NMBR: variants seen among roughly 807,000 people sequenced by gnomAD.
NMBR encodes neuromedin B receptor, also known as neuromedin-B receptor.
In NMBR, 16 loss-of-function variants were observed where a neutral mutation model predicts 20.5. The ratio of observed to expected loss-of-function variants is 0.78; its 90% confidence interval spans 0.53 to 1.19. The LOEUF is 1.19. Ranked by LOEUF, NMBR falls within the 50% of genes most tolerant of loss-of-function variation. The pLI is 0.00. For synonymous variants in NMBR, 212 were observed against 196.6 expected (o/e 1.08, Z -0.65); for missense variants, 582 against 499.1 (o/e 1.17, Z -1.58).
intron 1 of NMBR, among the ~76,000 whole-genome samples, chr6:142,119,672 T>C (rs762621183): frequency 6.6e-6 from 1 of 151,978 alleles, no homozygotes; most frequent in Non-Finnish European, 1.5e-5. Context: ...GGGAACCCTA[T>C]GAGGTGTTAT....
intron 1 of NMBR, among the ~76,000 whole-genome samples, chr6:142,127,803 T>C (rs571445904): frequency 2.0e-5 from 3 of 152,054 alleles, no homozygotes; most frequent in Admixed American, 6.6e-5. Context: ...TTTGTTTGTG[T>C]ACAGATATGT....
chr6:142,091,978 A>G (rs1330266634), intron 1 of NMBR, among the ~76,000 whole-genome samples: 1 of 152,170 alleles, frequency 6.6e-6, no homozygotes, highest in Non-Finnish European at 1.5e-5. Context: ...GCTTCAATGT[A>G]TCTATCCTTC....
chr6:142,126,950 T>C (rs923180664), intron 1 of NMBR, among the ~76,000 whole-genome samples: 13 of 151,568 alleles, frequency 8.6e-5, no homozygotes, highest in African/African-American at 3.1e-4. Flanking sequence ...GTGTGTGTGG[T>C]TTTTGTTTTG....
At chr6:142,093,717 G>C (rs1777383113) in intron 1 of NMBR, among the ~76,000 whole-genome samples, 1 of 152,134 alleles carries the variant, frequency 6.6e-6, no homozygotes, top group Non-Finnish European at 1.5e-5. Flanking sequence ...AGATCCCTGA[G>C]GAATTGCCAC....
At chr6:142,122,339 G>A (rs1231342448) in intron 1 of NMBR, among the ~76,000 whole-genome samples, 1 of 151,906 alleles carries the variant, frequency 6.6e-6, no homozygotes, top group Non-Finnish European at 1.5e-5. Context: ...TGGTTTATGA[G>A]GTTGGAGGAA....
At chr6:142,111,043 G>A (rs772054416) in intron 1 of NMBR, among the ~76,000 whole-genome samples, 16 of 151,892 alleles carry the variant, frequency 1.1e-4, no homozygotes, top group Admixed American at 2.0e-4. Context: ...AGCTTGAGAC[G>A]AGCCTGGCCA....
intron 2 of NMBR, among the ~76,000 whole-genome samples, chr6:142,080,954 T>A (rs1303927085): frequency 1.3e-5 from 2 of 152,240 alleles, no homozygotes; most frequent in Admixed American, 1.3e-4. Context: ...GTAGAAGTAC[T>A]GTTGTAGTTT....
At chr6:142,128,295 T>C (rs1778074709) in intron 1 of NMBR, among the ~76,000 whole-genome samples, 2 of 152,118 alleles carry the variant, frequency 1.3e-5, no homozygotes, top group South Asian at 4.1e-4. Context: ...AAACCTCTTT[T>C]CTTTATAAAT....
chr6:142,093,407 G>A (rs369031384), intron 1 of NMBR, among the ~76,000 whole-genome samples: 6 of 148,082 alleles, frequency 4.1e-5, no homozygotes, highest in Non-Finnish European at 8.9e-5. Flanking sequence ...GCAGTGTTTG[G>A]TTTTTTGTCC....
chr6:142,135,999 G>A (rs1778248087), intron 1 of NMBR, among the ~76,000 whole-genome samples: 1 of 152,106 alleles, frequency 6.6e-6, no homozygotes. Context: ...ATAGTCCTTT[G>A]GGTATATACC....
chr6:142,132,698 C>G (rs1562247208), intron 1 of NMBR, among the ~76,000 whole-genome samples: 1 of 152,098 alleles, frequency 6.6e-6, no homozygotes, highest in East Asian at 1.9e-4. Flanking sequence ...TAGGACACAC[C>G]TAAATAAAAT....
At chr6:142,086,963 G>A (rs2114564623) in intron 2 of NMBR, among the ~76,000 whole-genome samples, 1 of 152,252 alleles carries the variant, frequency 6.6e-6, no homozygotes, top group East Asian at 1.9e-4. Flanking sequence ...TGCATAAAGA[G>A]GGGCAGCTAA....
chr6:142,096,561 T>C lies in NMBR; in HGVS notation c.-663-7240A>G, dbSNP rs542584803. Among the ~76,000 whole-genome samples, 120 of 152,310 alleles carry C rather than the reference T, an allele frequency of 7.9e-4. No homozygotes were observed. In the East Asian group the frequency reaches 0.018, roughly 23 times the overall value. On this transcript the variant is annotated intron_variant, in intron 1 of 3. Coordinates refer to ENST00000258042, the MANE Select transcript of NMBR (RefSeq NM_002511.4). The stretch of plus-strand genomic sequence containing the variant: ...ACAGTTTGTTATAATTTCTGTTCTT[T>C]TACATTTGCTGAGGAGGGCTTTACT...
chr6:142,141,217 A>T (rs1778356590), intron 1 of NMBR, among the ~76,000 whole-genome samples: 1 of 152,210 alleles, frequency 6.6e-6, no homozygotes, highest in Non-Finnish European at 1.5e-5. Flanking sequence ...TACAGACTAT[A>T]GTCTCTGGTC....
Position 142,088,566 on chromosome 6 carries a change from C to A in NMBR, c.93G>T (p.Pro31=). 1 of 1,613,758 alleles carries A rather than the reference C, an allele frequency of 6.2e-7. No individual in the cohort carries two copies. Among genetic ancestry groups the A allele is most frequent in the Non-Finnish European group, 8.5e-7 (1 of 1,179,994 alleles). The change falls in exon 2 of 4, where the codon CCG becomes CCT. Residue 31 remains proline, a synonymous_variant. Transcript: ENST00000258042. Reference sequence around the variant, plus strand: ...ACTCCGTGGTGGTCCCGTCCGAGGCCGGCAGGAAATCCCTTTCCCACCCCT... The same window carrying A: ...ACTCCGTGGTGGTCCCGTCCGAGGCAGGCAGGAAATCCCTTTCCCACCCCT... ...VPEGWERDFL[P]ASDGTTTELV...
intron 1 of NMBR, chr6:142,134,951 GTTAT>G (rs1396296152): frequency 9.8e-6 from 5 of 507,678 alleles, no homozygotes; most frequent in Admixed American, 3.8e-5. Context: ...TCATGCTGCA[GTTAT>G]TTATCATTTT....
chr6:142,130,769 T>C (rs1360423678), intron 1 of NMBR, among the ~76,000 whole-genome samples: 2 of 152,074 alleles, frequency 1.3e-5, no homozygotes, highest in Non-Finnish European at 2.9e-5. Context: ...CTTTTTTTAA[T>C]GAAAAAGGGA....
At chr6:142,134,270 G>C (rs1331596152) in intron 1 of NMBR, among the ~76,000 whole-genome samples, 1 of 151,808 alleles carries the variant, frequency 6.6e-6, no homozygotes, top group East Asian at 1.9e-4. Flanking sequence ...TCTATATTTG[G>C]GATATAGACT....
Position 142,094,743 on chromosome 6 carries a change from A to G in NMBR, c.-663-5422T>C, listed in dbSNP as rs371323966. 3.9e-5 allele frequency among the ~76,000 whole-genome samples: 6 copies of G among 152,318 alleles called. No individual in the cohort carries two copies. The East Asian group carries it at 1.2e-3, about 29-fold the overall frequency. On this transcript the variant is annotated intron_variant, in intron 1 of 3. Transcript: ENST00000258042. ...ATTGAATCTATAAATTACCTTGGGC[A>G]GTATGTCCATTTCCACGATATTGAT...
Sources: gnomAD v4.1 joint callset for allele counts (sites outside exome capture counted in the v4.1 genomes callset) on GRCh38, gnomAD v4.1.1 for gene constraint, MANE v1.5 for transcripts, NCBI Gene and HGNC (gene_info 2026-07-23, HGNC 2026-07-21) for gene names.